The following MYOZ2 variants were observed in gnomAD, a reference collection of about 807,000 sequenced individuals.
MYOZ2 encodes myozenin-2.
MYOZ2 carries 19 observed loss-of-function variants against 25.4 expected under a neutral mutation model. The ratio of observed to expected loss-of-function variants is 0.75; its 90% CI spans 0.52 to 1.10. MYOZ2 has a LOEUF of 1.10. MYOZ2 is among the 50% of genes least tolerant of loss of function. MYOZ2 has a pLI of 0.00. For missense variants in MYOZ2, 270 were observed against 317.9 expected (o/e 0.85, Z 1.15); for synonymous variants, 92 against 106.9 (o/e 0.86, Z 0.86).
chr4:119,177,592 A>C (rs558120113), intron 5 of MYOZ2, among the ~76,000 whole-genome samples: 35 of 152,284 alleles, frequency 2.3e-4, no homozygotes, highest in African/African-American at 7.7e-4. Flanking sequence ...TTTTTCAAAA[A>C]AAAGTGGAAG....
At chr4:119,173,771 C>T (rs1265289771) in intron 5 of MYOZ2, among the ~76,000 whole-genome samples, 1 of 152,192 alleles carries the variant, frequency 6.6e-6, no homozygotes, top group Admixed American at 6.5e-5. Flanking sequence ...CCTCAGCTTG[C>T]AGGGAGCTGT....
chr4:119,186,298 C>A lies in MYOZ2; in HGVS notation c.*98C>A. On this transcript the variant is annotated 3_prime_UTR_variant, in exon 6 of 6. Transcript: ENST00000307128. ...AGCCACTTGCATTTTTCATTAGTAG[C>A]AACAATAGCAATTTAGTGATTTTCC... The A allele has an allele frequency of 2.3e-6, 2 of 859,892 alleles. No individual in the cohort carries two copies. Among genetic ancestry groups the A allele is most frequent in the Non-Finnish European group, 3.7e-6 (2 of 536,836 alleles). The allele number at this position is 859,892 out of a possible 1,614,324, so 53.3% of individuals were successfully genotyped here.
chr4:119,157,986 G>T (rs772709425), intron 3 of MYOZ2, 36 bp from the exon 4 acceptor site: 6 of 1,612,378 alleles, frequency 3.7e-6, no homozygotes, highest in Non-Finnish European at 5.1e-6. Context: ...TTACATTTTT[G>T]AGTTTTCAGC....
chr4:119,175,372 G>C (rs768409083), intron 5 of MYOZ2, among the ~76,000 whole-genome samples: 1 of 152,054 alleles, frequency 6.6e-6, no homozygotes, highest in Non-Finnish European at 1.5e-5. Context: ...TTCATTTCTG[G>C]AATAAATAAA....
chr4:119,152,027 T>A (rs1741464328), intron 3 of MYOZ2, among the ~76,000 whole-genome samples: 1 of 152,132 alleles, frequency 6.6e-6, no homozygotes, highest in South Asian at 2.1e-4. Flanking sequence ...AAAATTTTGT[T>A]CCCTATATTT....
intron 2 of MYOZ2, among the ~76,000 whole-genome samples, chr4:119,140,491 A>G (rs1741139837): frequency 6.6e-6 from 1 of 152,216 alleles, no homozygotes; most frequent in African/African-American, 2.4e-5. Flanking sequence ...CCCAAGAAAA[A>G]TAAGAGCTAG....
chr4:119,184,440 C>G (rs1303461448), intron 5 of MYOZ2, among the ~76,000 whole-genome samples: 1 of 152,218 alleles, frequency 6.6e-6, no homozygotes, highest in Non-Finnish European at 1.5e-5. Flanking sequence ...CTGTACATGT[C>G]TAACTTCTGA....
At position 119,151,054 on chromosome 4, in the gene MYOZ2, T is replaced by C. The variant is rs1741439792; in HGVS notation, c.246+13T>C. The C allele has an allele frequency of 6.3e-7, 1 of 1,596,836 alleles. No homozygotes were observed. Among genetic ancestry groups the C allele is most frequent in the Non-Finnish European group, 8.6e-7 (1 of 1,164,760 alleles). On this transcript the variant is annotated intron_variant, in intron 3 of 5. Coordinates refer to ENST00000307128, the MANE Select transcript of MYOZ2 (RefSeq NM_016599.5). ...AGCACAAATAAATGTAGGTATAACTTGAACAGGTAGTATCCAAATGAATGC... is the reference window on the plus strand; with the variant it reads ...AGCACAAATAAATGTAGGTATAACTCGAACAGGTAGTATCCAAATGAATGC...
chr4:119,168,726 C>T (rs1741886745), intron 5 of MYOZ2, among the ~76,000 whole-genome samples: 1 of 150,584 alleles, frequency 6.6e-6, no homozygotes, highest in Non-Finnish European at 1.5e-5. Context: ...ACCACCTGAG[C>T]AGATCAGGAG....
At chr4:119,145,388 A>G (rs1741264972) in intron 2 of MYOZ2, among the ~76,000 whole-genome samples, 1 of 129,554 alleles carries the variant, frequency 7.7e-6, no homozygotes, top group Non-Finnish European at 1.5e-5. Context: ...TCTGTCTCCC[A>G]TGTTGGAGTG....
intron 4 of MYOZ2, among the ~76,000 whole-genome samples, chr4:119,163,254 T>A (rs1741748493): frequency 1.3e-5 from 2 of 152,040 alleles, no homozygotes; most frequent in African/African-American, 4.8e-5. Flanking sequence ...CATTTTAGTG[T>A]AAAGAGGAGA....
chr4:119,170,473 A>G (rs1225437931), intron 5 of MYOZ2, among the ~76,000 whole-genome samples: 5 of 152,242 alleles, frequency 3.3e-5, no homozygotes, highest in African/African-American at 4.8e-5. Flanking sequence ...CCTTTCCAAG[A>G]TTATTCATTT....
chr4:119,171,786 T>C (rs751853390), intron 5 of MYOZ2, among the ~76,000 whole-genome samples: 7 of 148,738 alleles, frequency 4.7e-5, no homozygotes, highest in Non-Finnish European at 1.0e-4. Flanking sequence ...TTCTGATATA[T>C]CTATTTTTCA....
At chr4:119,147,430 G>C (rs1450749881) in intron 2 of MYOZ2, among the ~76,000 whole-genome samples, 1 of 152,018 alleles carries the variant, frequency 6.6e-6, no homozygotes, top group Admixed American at 6.6e-5. Context: ...CATTTTACCA[G>C]TGCAAGTATA....
intron 2 of MYOZ2, among the ~76,000 whole-genome samples, chr4:119,144,517 T>G (rs1182945531): frequency 6.6e-6 from 1 of 152,228 alleles, no homozygotes; most frequent in East Asian, 1.9e-4. Flanking sequence ...TAACAGAATT[T>G]ATTAAATTGT....
At chr4:119,176,938 T>G (rs1366216874) in intron 5 of MYOZ2, among the ~76,000 whole-genome samples, 1 of 152,202 alleles carries the variant, frequency 6.6e-6, no homozygotes, top group East Asian at 1.9e-4. Context: ...TTCTAACTAG[T>G]TCCCAGATGA....
At chr4:119,150,511 C>A (rs2149221289) in intron 2 of MYOZ2, among the ~76,000 whole-genome samples, 1 of 151,326 alleles carries the variant, frequency 6.6e-6, no homozygotes, top group African/African-American at 2.4e-5. Flanking sequence ...ATGTGGGGAG[C>A]AAAACAGAGT....
At chr4:119,180,065 G>A (rs954618663) in intron 5 of MYOZ2, among the ~76,000 whole-genome samples, 23 of 152,186 alleles carry the variant, frequency 1.5e-4, no homozygotes, top group Admixed American at 4.6e-4. Context: ...ATATTAAAAG[G>A]GGAATGGATT....
At chr4:119,174,236 G>A (rs1167732389) in intron 5 of MYOZ2, among the ~76,000 whole-genome samples, 3 of 152,236 alleles carry the variant, frequency 2.0e-5, no homozygotes, top group African/African-American at 7.2e-5. Flanking sequence ...TCTAGGTGAA[G>A]CCAGCTGGGC....
Sources: gnomAD v4.1 joint callset for allele counts (sites outside exome capture counted in the v4.1 genomes callset) on GRCh38, gnomAD v4.1.1 for gene constraint, MANE v1.5 for transcripts, NCBI Gene and HGNC (gene_info 2026-07-23, HGNC 2026-07-21) for gene names.